KCNIP4: variants seen among roughly 807,000 people sequenced by gnomAD.
The protein encoded by KCNIP4 is Kv channel-interacting protein 4.
A neutral mutation model predicts 34.0 loss-of-function variants in KCNIP4; 12 were observed. That is an observed-to-expected ratio of 0.35 (90% CI 0.23 to 0.57). The LOEUF (loss-of-function observed/expected upper bound fraction) is 0.57. KCNIP4 is among the 20% of genes least tolerant of loss of function. The probability of loss-of-function intolerance (pLI) is 0.83; values close to 1 mark genes in which losing one functional copy is unlikely to be tolerated. For synonymous variants in KCNIP4, 124 were observed against 102.2 expected, an observed-to-expected ratio of 1.21 and a Z score of -1.29; for missense variants, 238 against 311.7, an observed-to-expected ratio of 0.76 and a Z score of 1.78.
chr4:21,553,033 G>A (rs146154217), intron 1 of KCNIP4, among the ~76,000 whole-genome samples: 1 of 152,042 alleles, frequency 6.6e-6, no homozygotes, highest in African/African-American at 2.4e-5. Flanking sequence ...TGGCCAGTGG[G>A]GGTTGAGGGG....
intron 1 of KCNIP4, among the ~76,000 whole-genome samples, chr4:21,355,609 T>A (rs924434854): frequency 6.6e-6 from 1 of 152,048 alleles, no homozygotes; most frequent in Non-Finnish European, 1.5e-5. Context: ...CAGGAAGAAG[T>A]TGAATCTCTG....
intron 1 of KCNIP4, among the ~76,000 whole-genome samples, chr4:21,245,690 T>C (rs1480669596): frequency 9.9e-5 from 15 of 151,992 alleles, no homozygotes; most frequent in Admixed American, 8.5e-4. Flanking sequence ...AGGAGAAGTG[T>C]CTGGGGCAAC....
intron 1 of KCNIP4, among the ~76,000 whole-genome samples, chr4:21,370,969 C>A (rs1299156220): frequency 1.5e-5 from 2 of 135,590 alleles, no homozygotes; most frequent in African/African-American, 6.6e-5. Flanking sequence ...AGAGCCAAAT[C>A]TTTGAGCAGT....
At chr4:21,125,188 CT>C (rs71655614) in intron 1 of KCNIP4, among the ~76,000 whole-genome samples, 2 of 119,030 alleles carry the variant, frequency 1.7e-5, no homozygotes, top group African/African-American at 6.4e-5. Context: ...TTTATTTTGT[CT>C]TATTTTATTT....
intron 1 of KCNIP4, among the ~76,000 whole-genome samples, chr4:21,578,179 CAAA>C (rs1740894429): frequency 2.0e-5 from 3 of 151,650 alleles, no homozygotes; most frequent in Middle Eastern, 6.8e-3. Context: ...ACTAAAGATA[CAAA>C]AATTAGCCGG....
chr4:21,113,158 T>A (rs1310587222), intron 1 of KCNIP4, among the ~76,000 whole-genome samples: 1 of 152,208 alleles, frequency 6.6e-6, no homozygotes, highest in Non-Finnish European at 1.5e-5. Context: ...AGATGAGGCT[T>A]GATGACTACC....
intron 1 of KCNIP4, among the ~76,000 whole-genome samples, chr4:21,431,958 C>G (rs944914850): frequency 6.6e-6 from 1 of 150,456 alleles, no homozygotes; most frequent in Non-Finnish European, 1.5e-5. Context: ...TAATATTTCT[C>G]TAGTTACTGA....
In KCNIP4 at chr4:21,636,662, C is replaced by G. The variant is rs137980217; in HGVS notation, c.61+311909G>C. Among the ~76,000 whole-genome samples the G allele has an allele frequency of 3.1e-3, 473 of 152,142 alleles. 4 individuals are homozygous for G. Among genetic ancestry groups the G allele is most frequent in the African/African-American group, 0.01 (433 of 41,532 alleles). On this transcript the variant is annotated intron_variant, in intron 1 of 8. Coordinates refer to ENST00000382152, the MANE Select transcript of KCNIP4 (RefSeq NM_025221.6). ...AGGTAGAAAGTTCACCTAAGAAACT[C>G]CCAAAAGGCACATAACCTCAGTCAA...
At chr4:21,852,274 C>CT (rs1402951296) in intron 1 of KCNIP4, 2 of 152,050 alleles carry the variant, frequency 1.3e-5, no homozygotes, top group African/African-American at 4.8e-5. Flanking sequence ...TTTTTATAAG[C>CT]TTTGTCCTCA....
intron 1 of KCNIP4, among the ~76,000 whole-genome samples, chr4:21,166,938 C>CAAAAAAAAAAAAAAAA (rs55649635): frequency 2.1e-4 from 8 of 37,564 alleles, no homozygotes; most frequent in African/African-American, 8.6e-4. Context: ...CACTCCATCT[C>CAAAAAAAAAAAAAAAA]AAAAAAAAAA....
chr4:21,130,149 C>T (rs1370254040), intron 1 of KCNIP4, among the ~76,000 whole-genome samples: 1 of 151,992 alleles, frequency 6.6e-6, no homozygotes, highest in Non-Finnish European at 1.5e-5. Context: ...TATCCCTAAG[C>T]CATACTGAAT....
chr4:21,947,330 C>T (rs1218726301), intron 1 of KCNIP4, among the ~76,000 whole-genome samples: 1 of 152,160 alleles, frequency 6.6e-6, no homozygotes, highest in East Asian at 1.9e-4. Flanking sequence ...CATCTCCAGG[C>T]ATAAGTGAAA....
At chr4:21,209,706 G>A (rs1468695944) in intron 1 of KCNIP4, among the ~76,000 whole-genome samples, 1 of 151,900 alleles carries the variant, frequency 6.6e-6, no homozygotes, top group Non-Finnish European at 1.5e-5. Context: ...AGTGTAATCT[G>A]TATATTGTAT....
At chr4:21,367,480 C>T (rs916973589) in intron 1 of KCNIP4, among the ~76,000 whole-genome samples, 1 of 130,780 alleles carries the variant, frequency 7.6e-6, no homozygotes, top group Admixed American at 6.9e-5. Flanking sequence ...CCTAACTGGA[C>T]ATACTTATTG....
chr4:20,954,596 T>C (rs1181841443), intron 1 of KCNIP4, among the ~76,000 whole-genome samples: 1 of 152,160 alleles, frequency 6.6e-6, no homozygotes, highest in Non-Finnish European at 1.5e-5. Flanking sequence ...CAAAATAATC[T>C]GCCAAGCGGG....
At chr4:21,234,792 T>C (rs35203921) in intron 1 of KCNIP4, among the ~76,000 whole-genome samples, 32,523 of 151,014 alleles carry the variant, frequency 0.22, 5,973 homozygotes, top group African/African-American at 0.5. Flanking sequence ...AGATTACAGG[T>C]GCCCGCTACC....
intron 1 of KCNIP4, among the ~76,000 whole-genome samples, chr4:21,694,524 T>C (rs1453337239): frequency 6.6e-6 from 1 of 152,104 alleles, no homozygotes; most frequent in East Asian, 1.9e-4. Context: ...TGATAAAAAA[T>C]ATGTAGGAAG....
At chr4:21,666,222 C>T (rs1300673168) in intron 1 of KCNIP4, among the ~76,000 whole-genome samples, 26 of 152,172 alleles carry the variant, frequency 1.7e-4, no homozygotes, top group Non-Finnish European at 1.5e-5. Context: ...ACTTAGGTAA[C>T]ACTGCTTCTC....
chr4:20,875,009 G>A (rs896100798), intron 2 of KCNIP4, among the ~76,000 whole-genome samples: 1 of 151,892 alleles, frequency 6.6e-6, no homozygotes, highest in Non-Finnish European at 1.5e-5. Context: ...AAATAATGCC[G>A]TCTCAATGGC....
Sources: allele counts gnomAD v4.1 joint callset (sites outside exome capture counted in the v4.1 genomes callset), GRCh38; gene constraint gnomAD v4.1.1; transcripts MANE v1.5; gene names NCBI Gene and HGNC (gene_info 2026-07-23, HGNC 2026-07-21).